Variants in DPY19L1 observed in about 807,000 individuals in gnomAD.
DPY19L1 encodes dpy-19 like C-mannosyltransferase 1.
In DPY19L1, 35 loss-of-function variants were observed where a neutral mutation model predicts 96.9. That is an observed-to-expected ratio of 0.36 (90% confidence interval 0.28 to 0.48). DPY19L1 has a LOEUF of 0.48. Among genes scored for constraint, DPY19L1 ranks in the 20% least tolerant of loss-of-function variants. The probability of loss-of-function intolerance (pLI) is 0.99; values close to 1 mark genes in which losing one functional copy is unlikely to be tolerated. For missense variants in DPY19L1, 521 were observed against 777.9 expected, an observed-to-expected ratio of 0.67 and a Z score of 3.93; for synonymous variants, 205 against 252.6, an observed-to-expected ratio of 0.81 and a Z score of 1.79.
chr7:34,975,843 C>A (rs887620323), intron 7 of DPY19L1, among the ~76,000 whole-genome samples: 1 of 152,206 alleles, frequency 6.6e-6, no homozygotes, highest in Non-Finnish European at 1.5e-5. Flanking sequence ...GCCTAGATGA[C>A]TGCACATCTG....
intron 6 of DPY19L1, among the ~76,000 whole-genome samples, chr7:35,002,847 C>G (rs907733368): frequency 1.3e-5 from 2 of 152,222 alleles, no homozygotes; most frequent in African/African-American, 4.8e-5. Flanking sequence ...TGGCTCACTG[C>G]AAGCTCTGCC....
intron 4 of DPY19L1, 102 bp downstream of exon 4, chr7:35,013,466 T>C (rs757856533): frequency 2.4e-4 from 205 of 867,922 alleles, no homozygotes; most frequent in Non-Finnish European, 3.4e-4. Context: ...AAAAATTAAA[T>C]ACAATTTAAT....
chr7:34,934,353 T>C (rs1783820554), intron 21 of DPY19L1, among the ~76,000 whole-genome samples: 1 of 152,214 alleles, frequency 6.6e-6, no homozygotes, highest in Non-Finnish European at 1.5e-5. Context: ...TGGGACTGTA[T>C]ACTGAACAAT....
chr7:35,023,161 A>G (rs1786035305), intron 1 of DPY19L1, among the ~76,000 whole-genome samples: 1 of 151,932 alleles, frequency 6.6e-6, no homozygotes, highest in East Asian at 1.9e-4. Flanking sequence ...CAAGTCCCCA[A>G]ACCTCATTCC....
chr7:34,965,743 A>G (rs2128666754), intron 10 of DPY19L1, among the ~76,000 whole-genome samples: 1 of 152,292 alleles, frequency 6.6e-6, no homozygotes, highest in East Asian at 1.9e-4. Context: ...AAAACATCAA[A>G]ATTATAAAAA....
At chr7:35,012,842 T>C (rs1228368256) in intron 4 of DPY19L1, among the ~76,000 whole-genome samples, 1 of 152,068 alleles carries the variant, frequency 6.6e-6, no homozygotes, top group Non-Finnish European at 1.5e-5. Context: ...ACTTATAAAA[T>C]TTTAACAGAA....
At chr7:34,932,569 G>T (rs538449668) in intron 21 of DPY19L1, among the ~76,000 whole-genome samples, 5 of 152,144 alleles carry the variant, frequency 3.3e-5, no homozygotes, top group Non-Finnish European at 7.3e-5. Flanking sequence ...TCTTAAATTG[G>T]ACAGTCGATA....
chr7:35,034,140 T>C (rs1786329908), intron 1 of DPY19L1, among the ~76,000 whole-genome samples: 1 of 152,182 alleles, frequency 6.6e-6, no homozygotes, highest in Non-Finnish European at 1.5e-5. Flanking sequence ...GTTTTTATCA[T>C]CCACTTTTCC....
intron 6 of DPY19L1, among the ~76,000 whole-genome samples, chr7:34,996,367 T>C (rs1785284432): frequency 6.6e-6 from 1 of 152,090 alleles, no homozygotes; most frequent in African/African-American, 2.4e-5. Flanking sequence ...TACGCAGACC[T>C]CTCCACTGTG....
chr7:35,015,254 T>C (rs1489848859), intron 3 of DPY19L1, among the ~76,000 whole-genome samples: 1 of 152,162 alleles, frequency 6.6e-6, no homozygotes, highest in African/African-American at 2.4e-5. Flanking sequence ...ATTTATCAAC[T>C]TGGAAGAAGA....
chr7:34,951,501 CT>C (rs1784265071), intron 13 of DPY19L1, among the ~76,000 whole-genome samples: 1 of 151,770 alleles, frequency 6.6e-6, no homozygotes, highest in Non-Finnish European at 1.5e-5. Flanking sequence ...AAAACTTAAC[CT>C]TTTAAAAAAT....
chr7:34,994,026 G>A (rs1417856899), intron 6 of DPY19L1, among the ~76,000 whole-genome samples: 6 of 152,250 alleles, frequency 3.9e-5, no homozygotes, highest in East Asian at 1.9e-4. Context: ...AGATTGCGCC[G>A]TGGCACTCCA....
chr7:34,977,674 C>T (rs1360839674), intron 7 of DPY19L1, among the ~76,000 whole-genome samples: 2 of 152,018 alleles, frequency 1.3e-5, no homozygotes, highest in Admixed American at 1.3e-4. Flanking sequence ...TTTAGTCATG[C>T]CTTACGTTTC....
intron 1 of DPY19L1, among the ~76,000 whole-genome samples, chr7:35,031,949 CTGG>C (rs1786269933): frequency 6.6e-6 from 1 of 152,212 alleles, no homozygotes; most frequent in South Asian, 2.1e-4. Flanking sequence ...ACTCTCACAG[CTGG>C]TGCTCAGTTG....
intron 15 of DPY19L1, among the ~76,000 whole-genome samples, chr7:34,947,088 GA>G (rs1784164295): frequency 6.6e-6 from 1 of 152,026 alleles, no homozygotes; most frequent in Non-Finnish European, 1.5e-5. Flanking sequence ...AATTCTTAAA[GA>G]AAAAAAGAGA....
At chr7:35,006,164 T>C (rs185610204) in intron 6 of DPY19L1, among the ~76,000 whole-genome samples, 30 of 152,306 alleles carry the variant, frequency 2.0e-4, no homozygotes, top group Admixed American at 4.6e-4. Context: ...AGCAGTAAAA[T>C]TTATAATAAA....
At chr7:34,966,161 C>T (rs1242566425) in intron 10 of DPY19L1, among the ~76,000 whole-genome samples, 3 of 151,980 alleles carry the variant, frequency 2.0e-5, no homozygotes, top group Non-Finnish European at 4.4e-5. Flanking sequence ...CACCTTCTAA[C>T]ATCCTACATA....
intron 7 of DPY19L1, among the ~76,000 whole-genome samples, chr7:34,986,297 C>T (rs1430348885): frequency 6.6e-6 from 1 of 151,988 alleles, no homozygotes; most frequent in Non-Finnish European, 1.5e-5. Context: ...AGATTTTTAG[C>T]ATTCTCACCA....
intron 7 of DPY19L1, among the ~76,000 whole-genome samples, chr7:34,977,473 A>C (rs1784854154): frequency 6.6e-6 from 1 of 152,190 alleles, no homozygotes; most frequent in African/African-American, 2.4e-5. Flanking sequence ...GGGACAAGAA[A>C]ACCCAATTAC....
Sources: allele counts gnomAD v4.1 joint callset (sites outside exome capture counted in the v4.1 genomes callset), GRCh38; gene constraint gnomAD v4.1.1; transcripts MANE v1.5; gene names NCBI Gene and HGNC (gene_info 2026-07-23, HGNC 2026-07-21).